ADAM19: variants seen among roughly 807,000 people sequenced by gnomAD.
The protein encoded by ADAM19 is disintegrin and metalloproteinase domain-containing protein 19.
ADAM19 carries 65 observed loss-of-function variants against 114.7 expected under a neutral mutation model. The ratio of observed to expected loss-of-function variants is 0.57; its 90% CI spans 0.46 to 0.70. The LOEUF is 0.70. Ranked by LOEUF, ADAM19 falls within the 30% of genes least tolerant of loss-of-function variation. ADAM19 has a pLI of 0.00. For missense variants in ADAM19, 1,063 were observed against 1,204.7 expected (o/e 0.88, Z 1.74); for synonymous variants, 466 against 460.5 (o/e 1.01, Z -0.15).
chr5:157,513,347 G>A, intron 8 of ADAM19, 87 bp downstream of exon 8: 3 of 1,333,340 alleles, frequency 2.2e-6, no homozygotes, highest in Middle Eastern at 2.5e-4. Flanking sequence ...GATGGCTGGG[G>A]CAGCCAATCC....
At chr5:157,497,970 TTG>T in intron 13 of ADAM19, among the ~76,000 whole-genome samples, 1 of 152,368 alleles carries the variant, frequency 6.6e-6, no homozygotes, top group South Asian at 2.1e-4. Context: ...ACGGAAATTC[TTG>T]TGTGGAGTGA....
Position 157,505,765 on chromosome 5 carries a change from T to C in ADAM19, c.1034A>G (p.His345Arg), listed in dbSNP as rs1400410486. The C allele has an allele frequency of 6.2e-7, 1 of 1,614,112 alleles. No individual in the cohort carries two copies. The highest frequency in any genetic ancestry group is 2.2e-5 in the East Asian group (1 of 44,874). Residue 345 changes from histidine (H) to arginine (R), a missense_variant, in exon 11 of 23, where the codon CAC becomes CGC. Physicochemically the swap from His to Arg is conservative, Grantham distance 29. Around this residue, in one of 3 missense-constraint regions of ADAM19, gnomAD observed 615 missense variants for 706.3 expected, o/e 0.87. Coordinates refer to ENST00000257527, the MANE Select transcript of ADAM19 (RefSeq NM_033274.5). ...NAIGVAATMA[H>R]EMGHNFGMTH... ...CATGCCAAAGTTGTGGCCCATCTCG[T>C]GGGCCATGGTGGCAGCCACGCCAAT...
At chr5:157,556,439 G>A (rs1223072537) in intron 3 of ADAM19, among the ~76,000 whole-genome samples, 7 of 151,824 alleles carry the variant, frequency 4.6e-5, no homozygotes, top group East Asian at 3.9e-4. Context: ...GGCTGGTCTC[G>A]AACTCCTGAC....
intron 5 of ADAM19, among the ~76,000 whole-genome samples, chr5:157,526,404 A>AT (rs906068096): frequency 1.3e-5 from 2 of 151,950 alleles, no homozygotes; most frequent in African/African-American, 2.4e-5. Flanking sequence ...ACAAAAAAAA[A>AT]TTTTTAAAAA....
intron 1 of ADAM19, among the ~76,000 whole-genome samples, chr5:157,574,873 G>C (rs1376927675): frequency 6.6e-6 from 1 of 152,208 alleles, no homozygotes; most frequent in African/African-American, 2.4e-5. Flanking sequence ...CAAAGAAGGC[G>C]GCCGTCGGGT....
At chr5:157,529,140 C>T (rs964652354) in intron 5 of ADAM19, among the ~76,000 whole-genome samples, 1 of 152,064 alleles carries the variant, frequency 6.6e-6, no homozygotes, top group Non-Finnish European at 1.5e-5. Context: ...GGGCTTTTTC[C>T]TTTTTGTCAT....
chr5:157,481,977 C>A (rs775090400), intron 21 of ADAM19, 34 bp from the exon 22 acceptor site: 67 of 1,515,356 alleles, frequency 4.4e-5, no homozygotes, highest in Non-Finnish European at 5.8e-5. Flanking sequence ...ACTTGAAGGC[C>A]AGAGGCCTGT....
At chr5:157,517,228 T>C (rs1756119640) in intron 7 of ADAM19, among the ~76,000 whole-genome samples, 1 of 152,156 alleles carries the variant, frequency 6.6e-6, no homozygotes, top group Admixed American at 6.5e-5. Context: ...GCTTTGGAAA[T>C]GTGACTAGGT....
Position 157,480,360 on chromosome 5 carries a change from G to A in ADAM19, c.*589C>T. The A allele has an allele frequency of 2.0e-6, 2 of 987,792 alleles. No individual in the cohort carries two copies. Among genetic ancestry groups the A allele is most frequent in the Non-Finnish European group, 2.4e-6 (2 of 831,622 alleles). The allele number at this position is 987,792 out of a possible 1,614,324, so 61.2% of individuals were successfully genotyped here. Reference sequence around the variant, plus strand: ...CAGGGATGCAGGGGTTTGGGGAGAGGTGGGAGGGGACGTGGCTTGTCACAT... The same window carrying A: ...CAGGGATGCAGGGGTTTGGGGAGAGATGGGAGGGGACGTGGCTTGTCACAT... On this transcript the variant is annotated 3_prime_UTR_variant, in exon 23 of 23. Transcript: ENST00000257527.
chr5:157,508,586 G>A (rs999120139), intron 9 of ADAM19, among the ~76,000 whole-genome samples: 2 of 151,242 alleles, frequency 1.3e-5, no homozygotes, highest in African/African-American at 4.9e-5. Context: ...GGTGACAGAC[G>A]GAAACTGTCT....
intron 7 of ADAM19, 41 bp from the exon 8 acceptor site, chr5:157,513,546 C>G (rs753114172): frequency 6.4e-7 from 1 of 1,569,864 alleles, no homozygotes; most frequent in African/African-American, 1.4e-5. Context: ...CCCAGAACCT[C>G]TCACAGGATG....
intron 3 of ADAM19, among the ~76,000 whole-genome samples, chr5:157,558,641 T>C (rs1387491651): frequency 1.3e-5 from 2 of 152,084 alleles, no homozygotes; most frequent in South Asian, 2.1e-4. Context: ...TTATCCTAGG[T>C]AAGATGTTAA....
chr5:157,516,994 A>T (rs1756110288), intron 7 of ADAM19, among the ~76,000 whole-genome samples: 1 of 152,156 alleles, frequency 6.6e-6, no homozygotes, highest in Non-Finnish European at 1.5e-5. Context: ...TATCAACATC[A>T]GTTAAAATAA....
rs757180357 is a variant in ADAM19 at position 157,481,849 on chromosome 5, A to T, written c.2645T>A (p.Leu882Gln). Residue 882 changes from leucine (L) to glutamine (Q), a missense_variant, in exon 22 of 23, where the codon CTG becomes CAG. Physicochemically the swap from Leu to Gln is moderately radical, Grantham distance 113. This residue lies in a region of ADAM19 where 424 missense variants were observed against 445.5 expected (regional missense o/e 0.95). Coordinates refer to ENST00000257527, the MANE Select transcript of ADAM19 (RefSeq NM_033274.5). ...SLPRPGGASP[L>Q]RPPGAGPQQS... The stretch of plus-strand genomic sequence containing the variant: ...CTGAGGGCCAGCACCAGGGGGCCGC[A>T]GTGGGGATGCACCTCCTGGCCTGGG... The T allele has an allele frequency of 6.3e-7, 1 of 1,589,354 alleles. No individual in the cohort carries two copies. The highest frequency in any genetic ancestry group is 1.1e-5 in the South Asian group (1 of 87,264).
intron 6 of ADAM19, 53 bp from the exon 7 acceptor site, chr5:157,518,941 T>C: frequency 6.8e-7 from 1 of 1,463,550 alleles, no homozygotes; most frequent in South Asian, 1.1e-5. Context: ...TGGCCTCATT[T>C]TTAAAAAACT....
chr5:157,519,577 G>A (rs982183432), intron 6 of ADAM19, among the ~76,000 whole-genome samples: 6 of 152,156 alleles, frequency 3.9e-5, no homozygotes, highest in Non-Finnish European at 7.3e-5. Flanking sequence ...GAGCCATGGC[G>A]CCCAGCCTTC....
intron 8 of ADAM19, among the ~76,000 whole-genome samples, 177 bp downstream of exon 8, chr5:157,513,257 T>G (rs902779194): frequency 6.6e-6 from 1 of 152,192 alleles, no homozygotes; most frequent in Non-Finnish European, 1.5e-5. Context: ...GAAAATGAGT[T>G]ACTTGCCTAA....
chr5:157,541,128 G>A lies in ADAM19; in HGVS notation c.252-3137C>T, dbSNP rs118111156. Among the ~76,000 whole-genome samples the A allele has an allele frequency of 3.3e-5, 5 of 152,282 alleles. No individual in the cohort carries two copies. In the East Asian group the frequency reaches 9.7e-4, roughly 29 times the overall value. ...CCAAAGGACGCTGCTGTCCCACAGA[G>A]AGGAGGGCACATGGTCACTGAGCAG... is the stretch of plus-strand genomic sequence containing the variant. On this transcript the variant is annotated intron_variant, in intron 3 of 22. Coordinates refer to ENST00000257527, the MANE Select transcript of ADAM19 (RefSeq NM_033274.5).
chr5:157,572,172 G>A (rs1757847521), intron 1 of ADAM19: 4 of 360,932 alleles, frequency 1.1e-5, no homozygotes, highest in African/African-American at 2.1e-5. Flanking sequence ...TGCAAGCTCC[G>A]CCTTCCGGGT....
Sources: gnomAD v4.1 joint callset for allele counts (sites outside exome capture counted in the v4.1 genomes callset) on GRCh38, gnomAD v4.1.1 for gene constraint, gnomAD v4.1.1 regional missense constraint, MANE v1.5 for transcripts, NCBI Gene and HGNC (gene_info 2026-07-23, HGNC 2026-07-21) for gene names.